KIFC3: variants seen among roughly 807,000 people sequenced by gnomAD.
KIFC3 encodes kinesin family member C3, also known as kinesin-like protein KIFC3.
In KIFC3, 60 loss-of-function variants were observed where a neutral mutation model predicts 101.8. That is an observed-to-expected ratio of 0.59 (90% CI 0.48 to 0.73). The LOEUF (loss-of-function observed/expected upper bound fraction) is 0.73. Among genes scored for constraint, KIFC3 ranks in the 30% least tolerant of loss-of-function variants. KIFC3 has a pLI of 0.00. For missense variants in KIFC3, 966 were observed against 1,137.1 expected, an observed-to-expected ratio of 0.85 and a Z score of 2.16; for synonymous variants, 476 against 482.7, an observed-to-expected ratio of 0.99 and a Z score of 0.18.
intron 18 of KIFC3, 66 bp downstream of exon 18, chr16:57,759,662 G>A: frequency 8.1e-7 from 1 of 1,242,100 alleles, no homozygotes; most frequent in South Asian, 1.4e-5. Flanking sequence ...GCCCATCCAG[G>A]TAAGGGCAGC....
chr16:57,785,702 GAGGTC>G, intron 3 of KIFC3: 1 of 1,170,752 alleles, frequency 8.5e-7, no homozygotes, highest in East Asian at 6.2e-5. Flanking sequence ...GAGGGCAGCA[GAGGTC>G]CCACGCTGGC....
chr16:57,844,989 G>A (rs201662574), intron 1 of KIFC3, among the ~76,000 whole-genome samples: 1 of 152,138 alleles, frequency 6.6e-6, no homozygotes, highest in South Asian at 2.1e-4. Context: ...TAGCCAGTGC[G>A]TCTCCTCTGC....
intron 3 of KIFC3, among the ~76,000 whole-genome samples, chr16:57,789,079 C>T (rs2053622584): frequency 6.6e-6 from 1 of 152,224 alleles, no homozygotes; most frequent in Non-Finnish European, 1.5e-5. Context: ...AGGCAACCGT[C>T]CAGTCCCACC....
In KIFC3 at chr16:57,792,302, T is replaced by G. The variant is rs1330752539; in HGVS notation, c.315+2697A>C. ...TTCTTGGCCCCTGCCTGGTTTGCCT[T>G]CATCCCTTCGTGATTATTTGGTCAC... On this transcript the variant is annotated intron_variant, in intron 3 of 19. Coordinates refer to ENST00000445690, the MANE Select transcript of KIFC3 (RefSeq NM_001130100.2). 5.3e-5 allele frequency among the ~76,000 whole-genome samples: 8 copies of G among 152,236 alleles called. 1 individual carries two copies. Among genetic ancestry groups the G allele is most frequent in the African/African-American group, 1.9e-4 (8 of 41,470 alleles).
chr16:57,797,660 T>G, intron 2 of KIFC3: 2 of 1,104,926 alleles, frequency 1.8e-6, no homozygotes, highest in Non-Finnish European at 2.2e-6. Context: ...CCAGGCAGGA[T>G]CAAGTGTCAG....
chr16:57,800,239 T>C (rs1438237047), intron 1 of KIFC3, among the ~76,000 whole-genome samples: 1 of 152,228 alleles, frequency 6.6e-6, no homozygotes, highest in Non-Finnish European at 1.5e-5. Context: ...CCATGGTCTC[T>C]TCCTTCCTTG....
At chr16:57,835,708 G>A (rs1384599080) in intron 1 of KIFC3, among the ~76,000 whole-genome samples, 3 of 151,720 alleles carry the variant, frequency 2.0e-5, no homozygotes, top group Non-Finnish European at 4.4e-5. Context: ...CCAACACTTC[G>A]GGAGGCCGAG....
rs1361995804 is a variant in KIFC3 at position 57,760,167 on chromosome 16, G to A, written c.2367+115C>T. ...CCAGCCGTAGCTCCACCCAACTCCG[G>A]CAGCTTCCCTGCCCCCACTGCTTCA... is the stretch of plus-strand genomic sequence containing the variant. On this transcript the variant is annotated intron_variant, in intron 17 of 19. Coordinates refer to ENST00000445690, the MANE Select transcript of KIFC3 (RefSeq NM_001130100.2). The A allele has an allele frequency of 2.3e-6, 3 of 1,281,970 alleles. No homozygotes were observed. The East Asian group carries it at 7.0e-5, about 30-fold the overall frequency. 79.4% of individuals were successfully genotyped at this position (1,281,970 alleles called of 1,614,324 possible).
intron 1 of KIFC3, among the ~76,000 whole-genome samples, chr16:57,854,925 A>G (rs2056132825): frequency 1.3e-5 from 2 of 152,128 alleles, no homozygotes; most frequent in Non-Finnish European, 2.9e-5. Context: ...CCATGAATCA[A>G]AGTGGAAGTT....
intron 1 of KIFC3, among the ~76,000 whole-genome samples, chr16:57,847,247 GA>G (rs2055943078): frequency 9.6e-6 from 1 of 104,364 alleles, no homozygotes; most frequent in South Asian, 3.6e-4. Flanking sequence ...AGGAAGGAAG[GA>G]AGGAAGGAAG....
rs1467554991 is a variant in KIFC3, at chr16:57,761,439, C to T, written c.1846G>A (p.Val616Met). 6.2e-7 allele frequency: 1 copy of T among 1,613,964 alleles called. No homozygotes were observed. Among genetic ancestry groups the T allele is most frequent in the East Asian group, 2.2e-5 (1 of 44,894 alleles). The change falls in exon 14 of 20, where the codon GTG becomes ATG. Residue 616 changes from valine (V) to methionine (M), a missense_variant. By Grantham distance (21) the Val-to-Met change is conservative. This residue lies in a region of KIFC3 where 689 missense variants were observed against 884.6 expected (regional missense o/e 0.78). Coordinates refer to ENST00000445690, the MANE Select transcript of KIFC3 (RefSeq NM_001130100.2). ...TTGTTGATGTCGTCCACGCTCTGCA[C>T]TTGGAACTCAGTCAGCCCTGGTACA... is the stretch of plus-strand genomic sequence containing the variant. ...LYVPGLTEFQ[V>M]QSVDDINKVF...
intron 1 of KIFC3, among the ~76,000 whole-genome samples, chr16:57,822,641 G>A (rs1271952132): frequency 6.7e-6 from 1 of 150,318 alleles, no homozygotes; most frequent in Non-Finnish European, 1.5e-5. Context: ...AGGTTGCAGT[G>A]AGCCGAGATC....
chr16:57,781,172 G>A (rs1451551151), intron 3 of KIFC3, among the ~76,000 whole-genome samples: 2 of 152,148 alleles, frequency 1.3e-5, no homozygotes, highest in East Asian at 3.9e-4. Flanking sequence ...ACAAAAGTGG[G>A]CCAGGTGTGG....
chr16:57,761,610 GCCAGGAATGTTCCCCCAAC>G, intron 13 of KIFC3, 74 bp from the exon 14 acceptor site: 1 of 1,545,858 alleles, frequency 6.5e-7, no homozygotes, highest in South Asian at 1.2e-5. Context: ...CAGCCCCCCA[GCCAGGAATGTTCCCCCAAC>G]CCAGGAAGCC....
At chr16:57,781,927 G>A in intron 3 of KIFC3, 1 of 985,210 alleles carries the variant, frequency 1.0e-6, no homozygotes, top group Non-Finnish European at 1.2e-6. Flanking sequence ...TAACCATGGG[G>A]CCACACAGCC....
At chr16:57,760,602 A>C (rs565805160) in intron 16 of KIFC3, 124 bp downstream of exon 16, 1 of 1,081,938 alleles carries the variant, frequency 9.2e-7, no homozygotes, top group East Asian at 2.4e-5. Context: ...GGAGTTACAC[A>C]GGGTGTGTGT....
chr16:57,851,296 T>C (rs1299862381), intron 1 of KIFC3, among the ~76,000 whole-genome samples: 1 of 152,204 alleles, frequency 6.6e-6, no homozygotes, highest in East Asian at 1.9e-4. Flanking sequence ...ATGACCAGTG[T>C]GAGCCACCAT....
intron 1 of KIFC3, among the ~76,000 whole-genome samples, chr16:57,829,206 C>G (rs1555478780): frequency 1.3e-5 from 2 of 152,174 alleles, no homozygotes; most frequent in African/African-American, 4.8e-5. Flanking sequence ...GCAGGAAAAT[C>G]TATTTTTATT....
At chr16:57,760,643 G>A in intron 16 of KIFC3, 83 bp downstream of exon 16, 1 of 1,314,846 alleles carries the variant, frequency 7.6e-7, no homozygotes, top group Non-Finnish European at 1.1e-6. Flanking sequence ...AGGTCCATTT[G>A]CACAGCCTGG....
Sources: gnomAD v4.1 joint callset for allele counts (sites outside exome capture counted in the v4.1 genomes callset) on GRCh38, gnomAD v4.1.1 for gene constraint, gnomAD v4.1.1 regional missense constraint, MANE v1.5 for transcripts, NCBI Gene and HGNC (gene_info 2026-07-23, HGNC 2026-07-21) for gene names.